PRKN: variants seen among roughly 807,000 people sequenced by gnomAD.
PRKN encodes E3 ubiquitin-protein ligase parkin.
PRKN carries 56 observed loss-of-function variants against 59.5 expected under a neutral mutation model. That is an observed-to-expected ratio of 0.94 (90% confidence interval 0.76 to 1.18). PRKN has a LOEUF of 1.18. Among genes scored for constraint, PRKN ranks in the 50% most tolerant of loss-of-function variants. The pLI is 0.00. For missense variants in PRKN, 657 were observed against 596.4 expected (o/e 1.10, Z -1.06); for synonymous variants, 250 against 222.1 (o/e 1.13, Z -1.12).
At chr6:161,571,715 T>C (rs146019530) in intron 7 of PRKN, among the ~76,000 whole-genome samples, 2 of 152,324 alleles carry the variant, frequency 1.3e-5, no homozygotes, top group African/African-American at 4.8e-5. Context: ...GGTGCCCAGA[T>C]AGCTGATAAC....
At chr6:162,045,931 C>G (rs1784232591) in intron 5 of PRKN, among the ~76,000 whole-genome samples, 1 of 152,230 alleles carries the variant, frequency 6.6e-6, no homozygotes, top group African/African-American at 2.4e-5. Context: ...AATGTACCAT[C>G]TCGATTGAAA....
In PRKN at chr6:162,195,471, A is replaced by AT. The variant is rs552715759; in HGVS notation, c.534+5659dup. On this transcript the variant is annotated intron_variant, in intron 4 of 11. Transcript: ENST00000366898. ...ATATTAAGCTTAGGAATGATTTTAC[A>AT]TTTAGACTGTATTTCTTAATAAATT... 1.2e-4 allele frequency among the ~76,000 whole-genome samples: 19 copies of AT among 152,346 alleles called. 1 individual carries two copies. The South Asian group carries it at 3.9e-3, about 32-fold the overall frequency.
intron 9 of PRKN, among the ~76,000 whole-genome samples, chr6:161,415,633 C>G (rs371202596): frequency 1.4e-5 from 2 of 138,468 alleles, no homozygotes; most frequent in Middle Eastern, 3.4e-3. Flanking sequence ...CCCGACCGCC[C>G]GGAACTAAGC....
At chr6:162,642,983 G>A (rs1348941770) in intron 1 of PRKN, among the ~76,000 whole-genome samples, 2 of 152,024 alleles carry the variant, frequency 1.3e-5, no homozygotes, top group East Asian at 1.9e-4. Context: ...TAAATTATGG[G>A]TTTAAAAGTT....
intron 5 of PRKN, among the ~76,000 whole-genome samples, chr6:161,973,828 A>T (rs569924359): frequency 6.6e-5 from 10 of 152,300 alleles, no homozygotes; most frequent in African/African-American, 2.2e-4. Context: ...AGGTGAAGCC[A>T]AGAAGTAACC....
chr6:162,449,402 G>A (rs999702543), intron 1 of PRKN, among the ~76,000 whole-genome samples: 1 of 152,080 alleles, frequency 6.6e-6, no homozygotes, highest in African/African-American at 2.4e-5. Context: ...AATAATTTGT[G>A]GTGGAACACA....
At chr6:162,694,914 A>C (rs1361688911) in intron 1 of PRKN, 2 of 152,206 alleles carry the variant, frequency 1.3e-5, no homozygotes, top group Non-Finnish European at 2.9e-5. Flanking sequence ...GCTGCTGAAC[A>C]AAACTTAGCA....
chr6:162,279,895 CTTG>C (rs1300090968), intron 2 of PRKN, among the ~76,000 whole-genome samples: 5 of 152,140 alleles, frequency 3.3e-5, no homozygotes, highest in Non-Finnish European at 7.3e-5. Flanking sequence ...GTTAGCTCTT[CTTG>C]TTGTATTGAT....
intron 2 of PRKN, among the ~76,000 whole-genome samples, chr6:162,331,342 A>G (rs1175915275): frequency 2.6e-5 from 4 of 152,118 alleles, no homozygotes; most frequent in Non-Finnish European, 4.4e-5. Flanking sequence ...TCAATCCTAA[A>G]CAGTGGGTTT....
chr6:162,574,032 G>A (rs939042263), intron 1 of PRKN, among the ~76,000 whole-genome samples: 3 of 152,198 alleles, frequency 2.0e-5, no homozygotes, highest in African/African-American at 7.2e-5. Context: ...ACTGTGCTGA[G>A]GACGATGCCT....
chr6:162,703,144 T>C (rs527704623), intron 1 of PRKN, among the ~76,000 whole-genome samples: 1 of 152,184 alleles, frequency 6.6e-6, no homozygotes, highest in African/African-American at 2.4e-5. Flanking sequence ...AAAAACTTAC[T>C]TTAGTATTGG....
At chr6:161,941,298 A>G (rs528357199) in intron 6 of PRKN, among the ~76,000 whole-genome samples, 5 of 152,270 alleles carry the variant, frequency 3.3e-5, no homozygotes, top group Admixed American at 1.3e-4. Context: ...GCAGAGGAAC[A>G]CACCGGGGGC....
At chr6:162,328,370 A>C (rs145319460) in intron 2 of PRKN, among the ~76,000 whole-genome samples, 1 of 152,152 alleles carries the variant, frequency 6.6e-6, no homozygotes, top group Non-Finnish European at 1.5e-5. Flanking sequence ...GTCTCAAAAA[A>C]ACGAACAAAC....
intron 9 of PRKN, among the ~76,000 whole-genome samples, chr6:161,416,291 A>G (rs1452617810): frequency 6.6e-6 from 1 of 151,878 alleles, no homozygotes; most frequent in Non-Finnish European, 1.5e-5. Context: ...CTGCTCTAAC[A>G]TAACTGGAGA....
intron 10 of PRKN, among the ~76,000 whole-genome samples, chr6:161,365,256 G>C (rs143339484): frequency 1.3e-5 from 2 of 152,130 alleles, no homozygotes; most frequent in Non-Finnish European, 2.9e-5. Context: ...CTCCCAACCC[G>C]TGTGGACAGA....
intron 1 of PRKN, among the ~76,000 whole-genome samples, chr6:162,651,824 T>G (rs1158621779): frequency 6.8e-6 from 1 of 146,146 alleles, no homozygotes; most frequent in Non-Finnish European, 1.5e-5. Context: ...ATAATATTTC[T>G]AAATTGCTAT....
rs561202315 is a variant in PRKN, at chr6:161,389,303, T to C, written c.1084-2426A>G. 3.3e-5 allele frequency among the ~76,000 whole-genome samples: 5 copies of C among 152,328 alleles called. No homozygotes were observed. In the East Asian group the frequency reaches 9.6e-4, roughly 29 times the overall value. On this transcript the variant is annotated intron_variant, in intron 9 of 11. Coordinates refer to ENST00000366898, the MANE Select transcript of PRKN (RefSeq NM_004562.3). ...TGAAAAGTATTTTAATCTCAGGACA[T>C]CAGAAACAAAAAGGAAAAGCATTTT...
intron 5 of PRKN, among the ~76,000 whole-genome samples, chr6:162,036,630 C>T: frequency 6.6e-6 from 1 of 152,128 alleles, no homozygotes; most frequent in South Asian, 2.1e-4. Context: ...ATCCCCCTGC[C>T]TGGGCCTCCC....
At chr6:161,710,847 T>TCTTCCCTTCC (rs1257430451) in intron 7 of PRKN, among the ~76,000 whole-genome samples, 1,054 of 51,560 alleles carry the variant, frequency 0.02, 14 homozygotes, top group African/African-American at 0.055. Flanking sequence ...CCCCTTTCCT[T>TCTTCCCTTCC]CTTCCCTTCC....
Sources: gnomAD v4.1 joint callset for allele counts (sites outside exome capture counted in the v4.1 genomes callset) on GRCh38, gnomAD v4.1.1 for gene constraint, MANE v1.5 for transcripts, NCBI Gene and HGNC (gene_info 2026-07-23, HGNC 2026-07-21) for gene names.